The following NEDD4L variants were observed in gnomAD, a reference collection of about 807,000 sequenced individuals.
The protein encoded by NEDD4L is E3 ubiquitin-protein ligase NEDD4-like.
Under a neutral mutation model 148.9 loss-of-function variants are expected in NEDD4L, and 54 were observed. The ratio of observed to expected loss-of-function variants is 0.36; its 90% CI spans 0.29 to 0.45. The LOEUF is 0.45. Among genes scored for constraint, NEDD4L ranks in the 20% least tolerant of loss-of-function variants. NEDD4L has a pLI of 1.00. For missense variants in NEDD4L, 856 were observed against 1,233.8 expected (o/e 0.69, Z 4.59); for synonymous variants, 433 against 440.7 (o/e 0.98, Z 0.22).
At position 58,099,777 on chromosome 18, in the gene NEDD4L, T is replaced by C. The variant is rs184475259; in HGVS notation, c.48+55069T>C. Among the ~76,000 whole-genome samples, 6 of 152,268 alleles carry C rather than the reference T, an allele frequency of 3.9e-5. No homozygotes were observed. The East Asian group carries it at 1.2e-3, about 29-fold the overall frequency. Reference sequence around the variant, plus strand: ...AAGACGGCCCTTTGTTTTAGAGACTTAGGATTGGTGTGAGTGACTGGCAGG... The same window carrying C: ...AAGACGGCCCTTTGTTTTAGAGACTCAGGATTGGTGTGAGTGACTGGCAGG... On this transcript the variant is annotated intron_variant, in intron 1 of 30. Coordinates refer to ENST00000400345, the MANE Select transcript of NEDD4L (RefSeq NM_001144967.3).
At chr18:58,245,674 CTTTTTTTT>C (rs57282316) in intron 3 of NEDD4L, among the ~76,000 whole-genome samples, 166 bp downstream of exon 3, 31 of 89,260 alleles carry the variant, frequency 3.5e-4, no homozygotes, top group South Asian at 1.2e-3. Context: ...CACTTTTTCT[CTTTTTTTT>C]TTTTTTTTTT....
intron 6 of NEDD4L, among the ~76,000 whole-genome samples, chr18:58,321,184 A>C (rs1409690205): frequency 6.6e-6 from 1 of 152,362 alleles, no homozygotes; most frequent in Non-Finnish European, 1.5e-5. Flanking sequence ...TAGTATGTCA[A>C]CAAATGAACA....
At chr18:58,139,050 T>G (rs1489382228) in intron 1 of NEDD4L, among the ~76,000 whole-genome samples, 1 of 152,254 alleles carries the variant, frequency 6.6e-6, no homozygotes, top group Non-Finnish European at 1.5e-5. Flanking sequence ...GGGTCCTCAG[T>G]GCCTTGCCTT....
chr18:58,259,539 T>G (rs2049065130), intron 5 of NEDD4L, among the ~76,000 whole-genome samples: 1 of 152,222 alleles, frequency 6.6e-6, no homozygotes, highest in African/African-American at 2.4e-5. Context: ...TATGCCATTT[T>G]GTGCATAATA....
intron 2 of NEDD4L, chr18:58,195,632 C>T (rs1041318322): frequency 4.4e-6 from 6 of 1,349,678 alleles, no homozygotes; most frequent in Admixed American, 3.8e-5. Flanking sequence ...AGGATTTCTC[C>T]TCGCCGCCGT....
intron 1 of NEDD4L, among the ~76,000 whole-genome samples, chr18:58,075,093 C>A (rs1489298952): frequency 2.6e-5 from 4 of 152,202 alleles, no homozygotes; most frequent in Non-Finnish European, 5.9e-5. Flanking sequence ...AGGGAGCATG[C>A]TTTGAACAGA....
At chr18:58,359,424 C>T (rs2045181072) in intron 19 of NEDD4L, among the ~76,000 whole-genome samples, 1 of 152,206 alleles carries the variant, frequency 6.6e-6, no homozygotes, top group Non-Finnish European at 1.5e-5. Context: ...TCCTTAACAT[C>T]AGGACCTCAG....
At chr18:58,066,459 C>T (rs1489736792) in intron 1 of NEDD4L, among the ~76,000 whole-genome samples, 2 of 135,120 alleles carry the variant, frequency 1.5e-5, no homozygotes, top group African/African-American at 5.3e-5. Context: ...GGCATGATCT[C>T]AGCTTACTGC....
chr18:58,096,825 C>T (rs1375067326), intron 1 of NEDD4L, among the ~76,000 whole-genome samples: 1 of 152,202 alleles, frequency 6.6e-6, no homozygotes, highest in African/African-American at 2.4e-5. Flanking sequence ...ACAGTTCCAT[C>T]TGTCCTGAAG....
chr18:58,240,896 C>T (rs60605848), intron 2 of NEDD4L, among the ~76,000 whole-genome samples: 1 of 151,990 alleles, frequency 6.6e-6, no homozygotes, highest in East Asian at 1.9e-4. Context: ...TGCAACCTCC[C>T]CCTCCTGGAT....
chr18:58,149,374 G>C, intron 1 of NEDD4L: 1 of 1,436,086 alleles, frequency 7.0e-7, no homozygotes, highest in Non-Finnish European at 9.2e-7. Context: ...TGCTTTCCTG[G>C]GAGTCAAGTT....
rs1160893543 is a variant in NEDD4L at position 58,369,782 on chromosome 18, G to A, written c.2186-615G>A. ...GCCTGAATGGTGGGAGGCCGACCTC[G>A]CTGCTGTTGCCTCCCTGAGGCCTCT... is the stretch of plus-strand genomic sequence containing the variant. On this transcript the variant is annotated intron_variant, in intron 22 of 30. Coordinates refer to ENST00000400345, the MANE Select transcript of NEDD4L (RefSeq NM_001144967.3). Among the ~76,000 whole-genome samples, 13 of 152,160 alleles carry A rather than the reference G, an allele frequency of 8.5e-5. 1 individual carries two copies. Among genetic ancestry groups the A allele is most frequent in the Admixed American group, 7.8e-4 (12 of 15,290 alleles).
rs973122881 is a variant in NEDD4L at position 58,387,453 on chromosome 18, A to G, written c.2502A>G (p.Leu834=). 1 of 1,562,722 alleles carries G rather than the reference A, an allele frequency of 6.4e-7. No individual in the cohort carries two copies. The highest frequency in any genetic ancestry group is 8.6e-7 in the Non-Finnish European group (1 of 1,157,378). ...TTTTCTTTCAGGGATTCACAGAACT[A>G]CTTCCTATTGATTTGATTAAAATTT... is the stretch of plus-strand genomic sequence containing the variant. ...MNAFLEGFTE[L]LPIDLIKIFD... is the part of the protein sequence containing the mutation. The change falls in exon 27 of 31, where the codon CTA becomes CTG. Residue 834 remains leucine (L), a synonymous_variant. Coordinates refer to ENST00000400345, the MANE Select transcript of NEDD4L (RefSeq NM_001144967.3).
At chr18:58,245,542 G>A in intron 3 of NEDD4L, 34 bp downstream of exon 3, 1 of 1,203,432 alleles carries the variant, frequency 8.3e-7, no homozygotes, top group Non-Finnish European at 1.2e-6. Flanking sequence ...TGTCATTTAA[G>A]TCATAATTTA....
intron 29 of NEDD4L, 72 bp downstream of exon 29, chr18:58,390,814 A>C (rs1602051098): frequency 9.1e-7 from 1 of 1,101,340 alleles, no homozygotes; most frequent in Non-Finnish European, 1.4e-6. Flanking sequence ...TGGCCCAAGA[A>C]CCCTGCCGCC....
chr18:58,125,359 GT>G (rs1223718570), intron 1 of NEDD4L, among the ~76,000 whole-genome samples: 13 of 29,082 alleles, frequency 4.5e-4, no homozygotes, highest in African/African-American at 2.1e-3. Context: ...CACCAGGAGG[GT>G]GTGTGTGTGT....
At position 58,165,841 on chromosome 18, in the gene NEDD4L, A is replaced by C. The variant is rs1457084325; in HGVS notation, c.102A>C (p.Lys34Asn). Residue 34 changes from lysine to asparagine, a missense_variant, in exon 2 of 31, where the codon AAA (lysine) becomes AAC (asparagine). Lys to Asn is a moderately conservative substitution (Grantham distance 94). Around this residue, in one of 4 missense-constraint regions of NEDD4L, gnomAD observed 193 missense variants for 244.2 expected, o/e 0.79. Transcript: ENST00000400345. ...VKVVSGIDLA[K>N]KDIFGASDPY... is the part of the protein sequence containing the mutation. ...TTGTTTCTGGAATTGATCTCGCCAA[A>C]AAGGACATCTTTGGAGCCAGGTATG... The C allele has an allele frequency of 6.2e-7, 1 of 1,610,334 alleles. No homozygotes were observed. Among genetic ancestry groups the C allele is most frequent in the East Asian group, 2.2e-5 (1 of 44,858 alleles).
At chr18:58,146,506 A>G (rs547052843) in intron 1 of NEDD4L, among the ~76,000 whole-genome samples, 1 of 152,268 alleles carries the variant, frequency 6.6e-6, no homozygotes, top group African/African-American at 2.4e-5. Flanking sequence ...CAAGTGGCCT[A>G]TAGATAATAA....
At chr18:58,142,107 C>T (rs896168307) in intron 1 of NEDD4L, among the ~76,000 whole-genome samples, 4 of 129,698 alleles carry the variant, frequency 3.1e-5, no homozygotes, top group East Asian at 2.4e-4. Flanking sequence ...AGTGCAGTGG[C>T]GTGATCTGGG....
Sources: allele counts gnomAD v4.1 joint callset (sites outside exome capture counted in the v4.1 genomes callset), GRCh38; gene constraint gnomAD v4.1.1; regional missense constraint gnomAD v4.1.1; transcripts MANE v1.5; gene names NCBI Gene and HGNC (gene_info 2026-07-23, HGNC 2026-07-21).